HS6ST3: variants seen among roughly 807,000 people sequenced by gnomAD.
HS6ST3 encodes heparan-sulfate 6-O-sulfotransferase 3.
A neutral mutation model predicts 36.7 loss-of-function variants in HS6ST3; 12 were observed. That is an observed-to-expected ratio of 0.33 (90% CI 0.21 to 0.53). HS6ST3 has a LOEUF of 0.53. Ranked by LOEUF, HS6ST3 falls within the 20% of genes least tolerant of loss-of-function variation. The pLI is 0.95. For missense variants in HS6ST3, 584 were observed against 640.9 expected, an observed-to-expected ratio of 0.91 and a Z score of 0.96; for synonymous variants, 240 against 257.5, an observed-to-expected ratio of 0.93 and a Z score of 0.65.
At chr13:96,602,013 T>A (rs1402937683) in intron 1 of HS6ST3, among the ~76,000 whole-genome samples, 2 of 152,178 alleles carry the variant, frequency 1.3e-5, no homozygotes, top group African/African-American at 2.4e-5. Flanking sequence ...ATTCATTCAA[T>A]AGTGATGTGC....
At chr13:96,106,952 T>C (rs1005424138) in intron 1 of HS6ST3, among the ~76,000 whole-genome samples, 1 of 152,244 alleles carries the variant, frequency 6.6e-6, no homozygotes, top group African/African-American at 2.4e-5. Flanking sequence ...CCAGTTAGAA[T>C]GGTTCTGTAA....
intron 1 of HS6ST3, among the ~76,000 whole-genome samples, chr13:96,380,485 C>CG (rs1360837482): frequency 3.3e-5 from 5 of 152,052 alleles, no homozygotes; most frequent in African/African-American, 1.2e-4. Context: ...AGGCTCATCT[C>CG]GAACTACTGA....
intron 1 of HS6ST3, among the ~76,000 whole-genome samples, chr13:96,424,588 G>A (rs2055577222): frequency 6.6e-6 from 1 of 152,146 alleles, no homozygotes; most frequent in Non-Finnish European, 1.5e-5. Flanking sequence ...GGTGCTGATA[G>A]GTTCAATGTC....
intron 1 of HS6ST3, among the ~76,000 whole-genome samples, chr13:96,792,135 G>T (rs9516756): frequency 1 from 152,057 of 152,180 alleles, 75,968 homozygotes; most frequent in Middle Eastern, 1. Context: ...AATGGAAAAA[G>T]TAAAAATCAT....
intron 1 of HS6ST3, among the ~76,000 whole-genome samples, chr13:96,498,129 G>A (rs1000393437): frequency 6.6e-6 from 1 of 152,194 alleles, no homozygotes; most frequent in East Asian, 1.9e-4. Flanking sequence ...GACAAGGTCT[G>A]TTGGGCCCAC....
In HS6ST3 at chr13:96,447,447, T is replaced by C. The variant is rs531797653; in HGVS notation, c.707+355878T>C. ...GTTAGGAAAAGGGGTCCTGGGGAAG[T>C]TTTTGTTTCTTTTAAAGCAGCTCCA... On this transcript the variant is annotated intron_variant, in intron 1 of 1. Coordinates refer to ENST00000376705, the MANE Select transcript of HS6ST3 (RefSeq NM_153456.4). Among the ~76,000 whole-genome samples the C allele has an allele frequency of 3.9e-5, 6 of 152,250 alleles. No homozygotes were observed. The South Asian group carries it at 1.2e-3, about 32-fold the overall frequency.
chr13:96,453,821 A>C (rs1213888168), intron 1 of HS6ST3, among the ~76,000 whole-genome samples: 1 of 152,198 alleles, frequency 6.6e-6, no homozygotes, highest in Non-Finnish European at 1.5e-5. Context: ...ATAATCTGAA[A>C]AATTTAAATA....
intron 1 of HS6ST3, among the ~76,000 whole-genome samples, chr13:96,589,839 C>A (rs2056376201): frequency 6.6e-6 from 1 of 152,124 alleles, no homozygotes; most frequent in Non-Finnish European, 1.5e-5. Flanking sequence ...TCCCACCAAA[C>A]CCTTTCTAGC....
At chr13:96,134,943 T>C (rs2053993957) in intron 1 of HS6ST3, among the ~76,000 whole-genome samples, 2 of 152,216 alleles carry the variant, frequency 1.3e-5, no homozygotes, top group Admixed American at 6.5e-5. Flanking sequence ...AGTTGTATAT[T>C]AGACTCTGCA....
chr13:96,317,851 CAT>C (rs1271047104), intron 1 of HS6ST3, among the ~76,000 whole-genome samples: 2 of 151,668 alleles, frequency 1.3e-5, no homozygotes, highest in Non-Finnish European at 2.9e-5. Context: ...GTTAGCCACT[CAT>C]ATAGTCTTCT....
chr13:96,832,569 A>T lies in HS6ST3; in HGVS notation c.787A>T (p.Thr263Ser). 6.2e-7 allele frequency: 1 copy of T among 1,613,772 alleles called. No homozygotes were observed. Among genetic ancestry groups the T allele is most frequent in the Non-Finnish European group, 8.5e-7 (1 of 1,179,844 alleles). ...SEWKHVQRGA[T>S]WKTSLHMCDG... ...GTGGAAACATGTCCAGAGAGGGGCC[A>T]CTTGGAAAACCTCTCTTCATATGTG... Residue 263 changes from threonine to serine, a missense_variant, in exon 2 of 2, where the codon ACT becomes TCT. Thr to Ser is a moderately conservative substitution (Grantham distance 58). This residue lies in a region of HS6ST3 where 360 missense variants were observed against 411.3 expected (regional missense o/e 0.88). Transcript: ENST00000376705.
At chr13:96,570,771 G>A (rs566978318) in intron 1 of HS6ST3, among the ~76,000 whole-genome samples, 1 of 152,272 alleles carries the variant, frequency 6.6e-6, no homozygotes, top group Non-Finnish European at 1.5e-5. Flanking sequence ...CTGCCCATGA[G>A]GAATGTATAA....
At chr13:96,385,415 A>G (rs1020211985) in intron 1 of HS6ST3, among the ~76,000 whole-genome samples, 2 of 152,164 alleles carry the variant, frequency 1.3e-5, no homozygotes, top group African/African-American at 4.8e-5. Flanking sequence ...ACATGTTAAA[A>G]TCACACTGGA....
rs185599988 is a variant in HS6ST3, at chr13:96,478,963, T to C, written c.708-353527T>C. The stretch of plus-strand genomic sequence containing the variant: ...AAGGGAAACCAGGAGGGAGGCACAT[T>C]GGATCCAAGCATTCTTTCTTTCACT... On this transcript the variant is annotated intron_variant, in intron 1 of 1. Coordinates refer to ENST00000376705, the MANE Select transcript of HS6ST3 (RefSeq NM_153456.4). 2.4e-4 allele frequency among the ~76,000 whole-genome samples: 36 copies of C among 152,306 alleles called. 1 individual carries two copies. The South Asian group carries it at 6.8e-3, about 29-fold the overall frequency.
intron 1 of HS6ST3, among the ~76,000 whole-genome samples, chr13:96,648,382 G>C (rs2056596014): frequency 6.6e-6 from 1 of 151,658 alleles, no homozygotes; most frequent in Non-Finnish European, 1.5e-5. Flanking sequence ...CCCAGTCCTT[G>C]GTCCTATTTT....
chr13:96,618,115 T>C (rs185005232), intron 1 of HS6ST3, among the ~76,000 whole-genome samples: 1 of 152,268 alleles, frequency 6.6e-6, no homozygotes, highest in South Asian at 2.1e-4. Context: ...TTGTTTGTTT[T>C]AAGAGATGGG....
At chr13:96,342,407 A>G (rs115584731) in intron 1 of HS6ST3, among the ~76,000 whole-genome samples, 1,897 of 152,262 alleles carry the variant, frequency 0.012, 42 homozygotes, top group African/African-American at 0.044. Flanking sequence ...GCTCAATCAT[A>G]TGTGTTGGGA....
chr13:96,547,593 G>GAGAGAA (rs2056202416), intron 1 of HS6ST3, among the ~76,000 whole-genome samples: 1 of 152,206 alleles, frequency 6.6e-6, no homozygotes, highest in African/African-American at 2.4e-5. Flanking sequence ...AAGAAAGAGA[G>GAGAGAA]AGAGAAAGAG....
chr13:96,477,373 C>A (rs2138895117), intron 1 of HS6ST3, among the ~76,000 whole-genome samples: 1 of 151,856 alleles, frequency 6.6e-6, no homozygotes, highest in South Asian at 2.1e-4. Context: ...TTACTATATT[C>A]TTCAATAGGT....
Sources: allele counts gnomAD v4.1 joint callset (sites outside exome capture counted in the v4.1 genomes callset), GRCh38; gene constraint gnomAD v4.1.1; regional missense constraint gnomAD v4.1.1; transcripts MANE v1.5; gene names NCBI Gene and HGNC (gene_info 2026-07-23, HGNC 2026-07-21).